Variants in B3GALNT2 observed in about 807,000 individuals in gnomAD.
B3GALNT2 encodes the protein beta-1,3-N-acetylgalactosaminyltransferase 2.
B3GALNT2 carries 53 observed loss-of-function variants against 61.1 expected under a neutral mutation model. That is an observed-to-expected ratio of 0.87 (90% CI 0.70 to 1.09). The LOEUF is 1.09. B3GALNT2 is among the 50% of genes least tolerant of loss of function. The probability of loss-of-function intolerance (pLI) is 0.00; values close to 1 mark genes in which losing one functional copy is unlikely to be tolerated. For synonymous variants in B3GALNT2, 223 were observed against 237.4 expected (o/e 0.94, Z 0.56); for missense variants, 544 against 623.0 (o/e 0.87, Z 1.35).
the B3GALNT2 span, chr1:235,442,018 T>G: frequency 1.3e-6 from 1 of 759,936 alleles, no homozygotes; most frequent in South Asian, 1.7e-5. Flanking sequence ...ATTTTTTTTT[T>G]TTTTTTTGAG....
chr1:235,493,465 G>A (rs777402271), intron 2 of B3GALNT2, among the ~76,000 whole-genome samples: 1 of 152,124 alleles, frequency 6.6e-6, no homozygotes, highest in Non-Finnish European at 1.5e-5. Context: ...CTATGAGTAA[G>A]CACTACTAGT....
chr1:235,474,969 ATATATATATATATATATATTTT>A (rs1271562053), intron 5 of B3GALNT2, among the ~76,000 whole-genome samples: 3 of 28,814 alleles, frequency 1.0e-4, no homozygotes, highest in African/African-American at 3.9e-4. Context: ...ATATATATAT[ATATATATATATATATATATTTT>A]TTTTTTTTTT....
At position 235,449,100 on chromosome 1, in the gene B3GALNT2, C is replaced by CTAGTT. The variant is rs1395302329; in HGVS notation, c.*1101_*1105dup. The stretch of plus-strand genomic sequence containing the variant: ...AACACAGTTAATATCTGTCATAAGA[C>CTAGTT]TAGTTTTAATGGAATTCTCTATTGA... On this transcript the variant is annotated 3_prime_UTR_variant, in exon 12 of 12. Coordinates refer to ENST00000366600, the MANE Select transcript of B3GALNT2 (RefSeq NM_152490.5). 1.0e-5 allele frequency: 3 copies of CTAGTT among 294,142 alleles called. No homozygotes were observed. The highest frequency in any genetic ancestry group is 6.6e-5 in the African/African-American group (3 of 45,238). The allele number at this position is 294,142 out of a possible 1,614,324, so 18.2% of individuals were successfully genotyped here.
intron 5 of B3GALNT2, among the ~76,000 whole-genome samples, chr1:235,474,737 T>C (rs918782534): frequency 1.3e-5 from 2 of 151,192 alleles, no homozygotes; most frequent in Non-Finnish European, 3.0e-5. Flanking sequence ...AGGAGAATCA[T>C]TTGAACCTGG....
At chr1:235,500,884 T>C (rs1558446994) in intron 1 of B3GALNT2, among the ~76,000 whole-genome samples, 1 of 152,174 alleles carries the variant, frequency 6.6e-6, no homozygotes, top group East Asian at 1.9e-4. Flanking sequence ...AATTAGCATA[T>C]AGGGATAATT....
At chr1:235,461,935 T>A (rs1205432889) in intron 7 of B3GALNT2, among the ~76,000 whole-genome samples, 1 of 152,210 alleles carries the variant, frequency 6.6e-6, no homozygotes, top group Non-Finnish European at 1.5e-5. Flanking sequence ...GTGACTACAG[T>A]CTTGTGAGAT....
chr1:235,458,761 A>T lies in B3GALNT2; in HGVS notation c.867T>A (p.Leu289=), dbSNP rs1388222480. 1 of 1,598,980 alleles carries T rather than the reference A, an allele frequency of 6.3e-7. No individual in the cohort carries two copies. Among genetic ancestry groups the T allele is most frequent in the Non-Finnish European group, 8.5e-7 (1 of 1,175,424 alleles). ...CAATAAGTCTTTGAGGGCGAGAATG[A>T]AGGTTGTGTAAGAGAGCATCACCTT... ...IQEGDALLHN[L]HSRPQRLIDH... is the part of the protein sequence containing the mutation. The change falls in exon 8 of 12, where the codon CTT becomes CTA. Residue 289 remains leucine (L), a synonymous_variant. Coordinates refer to ENST00000366600, the MANE Select transcript of B3GALNT2 (RefSeq NM_152490.5).
chr1:235,441,670 C>T, the B3GALNT2 span: 1 of 704,968 alleles, frequency 1.4e-6, no homozygotes, highest in Non-Finnish European at 2.4e-6. Flanking sequence ...TCCTAAAAAT[C>T]ACACTGAATA....
At chr1:235,471,201 C>T (rs866502391) in intron 5 of B3GALNT2, among the ~76,000 whole-genome samples, 1 of 152,132 alleles carries the variant, frequency 6.6e-6, no homozygotes, top group Non-Finnish European at 1.5e-5. Context: ...CTGCTGTTTG[C>T]CATTTCCCAT....
At position 235,458,642 on chromosome 1, in the gene B3GALNT2, TAA is replaced by T. The variant is rs772899037; in HGVS notation, c.984_985del (p.Tyr329SerfsTer2). 4.3e-6 allele frequency: 7 copies of T among 1,611,050 alleles called. No homozygotes were observed. The highest frequency in any genetic ancestry group is 5.9e-6 in the Non-Finnish European group (7 of 1,179,126). ...CAATAATTTTGCAGGAACATTACGA[TAA>T]GTGTCGACAACATCCACAAAAACAA... On this transcript the variant is annotated frameshift_variant, in exon 8 of 12. Coordinates refer to ENST00000366600, the MANE Select transcript of B3GALNT2 (RefSeq NM_152490.5). LOFTEE classifies it high-confidence loss of function.
At chr1:235,460,763 G>A (rs1473072111) in intron 7 of B3GALNT2, among the ~76,000 whole-genome samples, 1 of 151,664 alleles carries the variant, frequency 6.6e-6, no homozygotes, top group Non-Finnish European at 1.5e-5. Flanking sequence ...TTGTAGAGAT[G>A]GGGTCTCGCT....
chr1:235,504,112 C>G (rs1248367511), intron 1 of B3GALNT2, 29 bp downstream of exon 1: 4 of 1,208,118 alleles, frequency 3.3e-6, no homozygotes, highest in Admixed American at 4.4e-5. Flanking sequence ...CCCCGGCGGC[C>G]GCCAACCCGC....
At chr1:235,500,173 T>C (rs1008413164) in intron 1 of B3GALNT2, among the ~76,000 whole-genome samples, 10 of 152,230 alleles carry the variant, frequency 6.6e-5, no homozygotes, top group African/African-American at 2.4e-4. Flanking sequence ...CCCTGCACTG[T>C]GAGTGGACAT....
At chr1:235,486,419 C>A (rs1424405977) in intron 3 of B3GALNT2, among the ~76,000 whole-genome samples, 2 of 152,120 alleles carry the variant, frequency 1.3e-5, no homozygotes, top group Non-Finnish European at 2.9e-5. Flanking sequence ...TATAATATAG[C>A]ATTTTTAGAT....
chr1:235,480,886 G>A (rs1240665980), intron 4 of B3GALNT2, among the ~76,000 whole-genome samples: 6 of 108,282 alleles, frequency 5.5e-5, no homozygotes, highest in East Asian at 6.4e-4. Context: ...AGCCTGGACC[G>A]CAGAGCCAGA....
chr1:235,498,414 A>C (rs1008015329), intron 1 of B3GALNT2, among the ~76,000 whole-genome samples: 1 of 152,270 alleles, frequency 6.6e-6, no homozygotes, highest in South Asian at 2.1e-4. Flanking sequence ...TTCAACTTCA[A>C]TAAGAATCAA....
intron 1 of B3GALNT2, among the ~76,000 whole-genome samples, chr1:235,498,358 T>C (rs1401315678): frequency 6.6e-6 from 1 of 152,114 alleles, no homozygotes; most frequent in African/African-American, 2.4e-5. Flanking sequence ...GACATAAAGA[T>C]AATTCAGAAA....
At chr1:235,457,753 A>G (rs1017282994) in intron 8 of B3GALNT2, among the ~76,000 whole-genome samples, 3 of 152,100 alleles carry the variant, frequency 2.0e-5, no homozygotes, top group African/African-American at 7.2e-5. Context: ...CCTATCAGTA[A>G]CCTAAATGTG....
downstream of B3GALNT2, among the ~76,000 whole-genome samples, chr1:235,445,655 C>T (rs1473771052): frequency 7.2e-5 from 11 of 151,830 alleles, no homozygotes. Context: ...CAAAACAAAA[C>T]AAAACTGCAA....
Sources: allele counts gnomAD v4.1 joint callset (sites outside exome capture counted in the v4.1 genomes callset), GRCh38; gene constraint gnomAD v4.1.1; transcripts MANE v1.5; gene names NCBI Gene and HGNC (gene_info 2026-07-23, HGNC 2026-07-21).